The following SAMSN1 variants were observed in gnomAD, a reference collection of about 807,000 sequenced individuals.
SAMSN1 encodes SAM domain, SH3 domain and nuclear localization signals 1.
Under a neutral mutation model 42.0 loss-of-function variants are expected in SAMSN1, and 31 were observed. The observed-to-expected ratio is 0.74, with a 90% CI of 0.55 to 1.00. The LOEUF (loss-of-function observed/expected upper bound fraction) is 1.00, where lower values mean the gene tolerates loss of function less well. SAMSN1 is among the 50% of genes least tolerant of loss of function. The probability of loss-of-function intolerance (pLI) is 0.00; values close to 1 mark genes in which losing one functional copy is unlikely to be tolerated. For synonymous variants in SAMSN1, 178 were observed against 151.9 expected (o/e 1.17, Z -1.26); for missense variants, 464 against 439.4 (o/e 1.06, Z -0.50).
intron 2 of SAMSN1, among the ~76,000 whole-genome samples, chr21:14,620,531 G>C (rs927244368): frequency 6.6e-6 from 1 of 152,140 alleles, no homozygotes; most frequent in African/African-American, 2.4e-5. Context: ...CTTTATAGCA[G>C]TGTGAACATG....
At position 14,648,308 on chromosome 21, in the gene SAMSN1, T is replaced by G. The variant is rs373755992; in HGVS notation, c.25-5175A>C. Among the ~76,000 whole-genome samples, 1,114 of 152,196 alleles carry G rather than the reference T, an allele frequency of 7.3e-3. 11 individuals carry two copies. Among genetic ancestry groups the G allele is most frequent in the South Asian group, 0.034 (164 of 4,830 alleles). Reference sequence around the variant, plus strand: ...GACTTAAACGTTAGACCTAAAACCATAAAAACCCTAGAAGAAAACCTAGGC... The same window carrying G: ...GACTTAAACGTTAGACCTAAAACCAGAAAAACCCTAGAAGAAAACCTAGGC... On this transcript the variant is annotated intron_variant, in intron 1 of 15. Transcript: ENST00000647101.
intron 2 of SAMSN1, among the ~76,000 whole-genome samples, chr21:14,621,690 C>T (rs769223186): frequency 6.6e-6 from 1 of 152,232 alleles, no homozygotes; most frequent in Non-Finnish European, 1.5e-5. Flanking sequence ...TAGACTCCAC[C>T]TCTGGCAGCA....
At chr21:14,612,763 C>T (rs1982740434) in intron 4 of SAMSN1, 1 of 657,612 alleles carries the variant, frequency 1.5e-6, no homozygotes, top group South Asian at 1.6e-5. Context: ...TCAAAGACAA[C>T]TCAATTTGAC....
At chr21:14,619,271 A>T (rs1400225296) in intron 2 of SAMSN1, among the ~76,000 whole-genome samples, 1 of 152,234 alleles carries the variant, frequency 6.6e-6, no homozygotes, top group Non-Finnish European at 1.5e-5. Flanking sequence ...GTCAAAAGGA[A>T]AAATGTAAAT....
At chr21:14,516,861 A>G in intron 3 of SAMSN1, 31 bp downstream of exon 3, 1 of 1,567,048 alleles carries the variant, frequency 6.4e-7, no homozygotes, top group South Asian at 1.2e-5. Context: ...TTTTAGTAGA[A>G]AAATACAAAT....
At chr21:14,638,439 G>C (rs954662119) in intron 2 of SAMSN1, among the ~76,000 whole-genome samples, 8 of 152,076 alleles carry the variant, frequency 5.3e-5, no homozygotes, top group East Asian at 1.9e-4. Flanking sequence ...GTAGCTCTAG[G>C]GCAGGGGTTA....
At position 14,517,053 on chromosome 21, in the gene SAMSN1, T is replaced by A. The variant is rs999384847; in HGVS notation, c.130-12A>T. Reference sequence around the variant, plus strand: ...TCTCCTTCATGTGCCTAGTTTAGAATTGTTTACAAAAGACAAAATAATAAA... The same window carrying A: ...TCTCCTTCATGTGCCTAGTTTAGAAATGTTTACAAAAGACAAAATAATAAA... On this transcript the variant is annotated splice_polypyrimidine_tract_variant and intron_variant, in intron 2 of 7. Coordinates refer to ENST00000400566, the MANE Select transcript of SAMSN1 (RefSeq NM_022136.5). 3 of 1,597,898 alleles carry A rather than the reference T, an allele frequency of 1.9e-6. No homozygotes were observed. The African/African-American group carries it at 4.1e-5, about 22-fold the overall frequency.
At chr21:14,642,850 GAC>G (rs1204691415) in intron 2 of SAMSN1, among the ~76,000 whole-genome samples, 1 of 151,698 alleles carries the variant, frequency 6.6e-6, no homozygotes, top group Non-Finnish European at 1.5e-5. Flanking sequence ...TCATAAAAAA[GAC>G]AACAAGAAAG....
intron 1 of SAMSN1, among the ~76,000 whole-genome samples, chr21:14,544,615 C>T (rs953607995): frequency 1.3e-5 from 2 of 152,052 alleles, no homozygotes; most frequent in African/African-American, 4.8e-5. Flanking sequence ...CCAATGTGAC[C>T]ATTTTCTGTG....
At chr21:14,527,789 A>C (rs1978969718) in intron 1 of SAMSN1, among the ~76,000 whole-genome samples, 1 of 150,998 alleles carries the variant, frequency 6.6e-6, no homozygotes, top group Non-Finnish European at 1.5e-5. Context: ...AAAAATGCAG[A>C]ATGATCCATA....
chr21:14,491,361 G>C (rs1469525767), intron 7 of SAMSN1, among the ~76,000 whole-genome samples: 2 of 151,816 alleles, frequency 1.3e-5, no homozygotes, highest in Non-Finnish European at 2.9e-5. Flanking sequence ...TCCTGCCTCA[G>C]CCTCCCAGAG....
At chr21:14,631,827 C>G (rs1174259195) in intron 2 of SAMSN1, among the ~76,000 whole-genome samples, 1 of 152,002 alleles carries the variant, frequency 6.6e-6, no homozygotes, top group Admixed American at 6.6e-5. Flanking sequence ...ATGTTACTCT[C>G]TAGATATTTT....
At position 14,491,868 on chromosome 21, in the gene SAMSN1, TTA is replaced by T. The variant is rs1173917736; in HGVS notation, c.920-5756_920-5755del. ...ATGATAAAAAACTAATCTAATTTCA[TTA>T]TGTCTAAAACTATTACTTTTGACAA... On this transcript the variant is annotated intron_variant, in intron 7 of 7. Coordinates refer to ENST00000400566, the MANE Select transcript of SAMSN1 (RefSeq NM_022136.5). Among the ~76,000 whole-genome samples the T allele has an allele frequency of 2.6e-5, 4 of 152,236 alleles. No homozygotes were observed. In the East Asian group the frequency reaches 7.7e-4, roughly 29 times the overall value.
intron 1 of SAMSN1, among the ~76,000 whole-genome samples, chr21:14,525,030 A>T (rs979065990): frequency 1.6e-4 from 25 of 151,998 alleles, no homozygotes; most frequent in Admixed American, 1.6e-3. Flanking sequence ...TCATCAACTA[A>T]ATAGTTCATC....
At chr21:14,568,324 C>T (rs1981186409) in intron 2 of SAMSN1, among the ~76,000 whole-genome samples, 2 of 152,196 alleles carry the variant, frequency 1.3e-5, no homozygotes, top group Non-Finnish European at 2.9e-5. Flanking sequence ...CCTTTCACAT[C>T]TAAGCAGCAC....
At chr21:14,582,998 T>TG (rs1981799844) in intron 1 of SAMSN1, among the ~76,000 whole-genome samples, 1 of 152,160 alleles carries the variant, frequency 6.6e-6, no homozygotes, top group Non-Finnish European at 1.5e-5. Flanking sequence ...AAGAGATGTA[T>TG]GGATGCAGTG....
intron 5 of SAMSN1, among the ~76,000 whole-genome samples, chr21:14,502,285 A>T (rs1435206610): frequency 6.6e-6 from 1 of 152,174 alleles, no homozygotes. Flanking sequence ...AGGGAATCAA[A>T]TCATAGGTTG....
chr21:14,553,695 A>AT (rs1378425864), intron 2 of SAMSN1, among the ~76,000 whole-genome samples: 2 of 151,982 alleles, frequency 1.3e-5, no homozygotes, highest in African/African-American at 2.4e-5. Context: ...CCTGGAAATC[A>AT]TTTTTTTCTC....
chr21:14,648,891 A>T (rs1290548873), intron 1 of SAMSN1, among the ~76,000 whole-genome samples: 4 of 151,736 alleles, frequency 2.6e-5, no homozygotes, highest in Admixed American at 1.3e-4. Flanking sequence ...AACTAGAAAT[A>T]CCATTTGACC....
Sources: gnomAD v4.1 joint callset for allele counts (sites outside exome capture counted in the v4.1 genomes callset) on GRCh38, gnomAD v4.1.1 for gene constraint, MANE v1.5 for transcripts, NCBI Gene and HGNC (gene_info 2026-07-23, HGNC 2026-07-21) for gene names.